HIVEP2: variants seen among roughly 807,000 people sequenced by gnomAD.
The protein encoded by HIVEP2 is HIVEP zinc finger 2.
HIVEP2 carries 14 observed loss-of-function variants against 180.7 expected under a neutral mutation model. The observed-to-expected ratio is 0.08, with a 90% confidence interval of 0.05 to 0.12. The LOEUF (loss-of-function observed/expected upper bound fraction) is 0.12, where lower values mean the gene tolerates loss of function less well. Ranked by LOEUF, HIVEP2 falls within the 10% of genes least tolerant of loss-of-function variation. The pLI is 1.00. For missense variants in HIVEP2, 2,579 were observed against 3,008.5 expected (o/e 0.86, Z 3.34); for synonymous variants, 1,184 against 1,136.4 (o/e 1.04, Z -0.84).
chr6:142,803,566 T>TACACACACACACACACACACACACAC (rs10688831), intron 2 of HIVEP2, among the ~76,000 whole-genome samples: 1 of 141,640 alleles, frequency 7.1e-6, no homozygotes, highest in Non-Finnish European at 1.5e-5. Flanking sequence ...ATATATAGCA[T>TACACACACACACACACACACACACAC]ACACACACAC....
At chr6:142,875,545 G>A (rs905584856) in intron 1 of HIVEP2, among the ~76,000 whole-genome samples, 1 of 152,218 alleles carries the variant, frequency 6.6e-6, no homozygotes, top group Non-Finnish European at 1.5e-5. Context: ...AAGGACAGAT[G>A]CTGGTGGCTT....
At position 142,853,377 on chromosome 6, in the gene HIVEP2, C is replaced by G. The variant is rs138491632; in HGVS notation, c.-640-16330G>C. 3.4e-3 allele frequency among the ~76,000 whole-genome samples: 525 copies of G among 152,272 alleles called. 3 individuals are homozygous for G. Among genetic ancestry groups the G allele is most frequent in the African/African-American group, 0.012 (493 of 41,546 alleles). The stretch of plus-strand genomic sequence containing the variant: ...AATTCACTTGTAACAGGTGCTAGCA[C>G]CTGTTCTTCCGGCTCCCAGAATAGT... On this transcript the variant is annotated intron_variant, in intron 1 of 9. Transcript: ENST00000367603.
intron 1 of HIVEP2, among the ~76,000 whole-genome samples, chr6:142,936,218 A>C (rs1056774031): frequency 1.3e-5 from 2 of 151,042 alleles, no homozygotes; most frequent in African/African-American, 4.9e-5. Context: ...TTTGAGATGG[A>C]GTCTCACTCT....
intron 1 of HIVEP2, among the ~76,000 whole-genome samples, chr6:142,848,271 T>C (rs755991172): frequency 3.3e-5 from 5 of 152,160 alleles, no homozygotes; most frequent in Non-Finnish European, 5.9e-5. Context: ...GGATGTGGGA[T>C]GGGGGAAGGT....
At chr6:142,829,145 G>C (rs1361659037) in intron 2 of HIVEP2, among the ~76,000 whole-genome samples, 1 of 152,006 alleles carries the variant, frequency 6.6e-6, no homozygotes, top group African/African-American at 2.4e-5. Context: ...TGATTCCTTA[G>C]CTCAAAAGTG....
rs1775652589 is a variant in HIVEP2 at position 142,774,742 on chromosome 6, G to C, written c.-4C>G. ...GAGCTGTGTCCCCAGTGTCCATTTT[G>C]TTACACAAGGTCTTAAGTGCTAGTT... On this transcript the variant is annotated 5_prime_UTR_variant, in exon 5 of 10. Transcript: ENST00000367603. The surrounding 1 kb of genome is among the most constrained non-coding windows in gnomAD (Gnocchi z 5.1). 1.2e-6 allele frequency: 2 copies of C among 1,612,804 alleles called. No individual in the cohort carries two copies. Among genetic ancestry groups the C allele is most frequent in the African/African-American group, 1.3e-5 (1 of 74,972 alleles).
chr6:142,881,282 G>C (rs1776569195), intron 1 of HIVEP2, among the ~76,000 whole-genome samples: 1 of 152,194 alleles, frequency 6.6e-6, no homozygotes, highest in African/African-American at 2.4e-5. Context: ...TTAGGCACTT[G>C]TGGGCAATTA....
Position 142,828,651 on chromosome 6 carries a change from C to T in HIVEP2, c.-528+8284G>A, listed in dbSNP as rs147875791. Among the ~76,000 whole-genome samples the T allele has an allele frequency of 4.8e-3, 737 of 152,160 alleles. 1 individual carries two copies. Among genetic ancestry groups the T allele is most frequent in the African/African-American group, 0.017 (695 of 41,508 alleles). On this transcript the variant is annotated intron_variant, in intron 2 of 9. Transcript: ENST00000367603. The stretch of plus-strand genomic sequence containing the variant: ...TTCACCATGTTGGTCAGGCTGGTCT[C>T]GAACTCCTGACCTCGTGATCCACCC...
intron 9 of HIVEP2, among the ~76,000 whole-genome samples, chr6:142,758,120 A>G (rs1775124436): frequency 6.6e-6 from 1 of 152,224 alleles, no homozygotes; most frequent in African/African-American, 2.4e-5. Flanking sequence ...ACAGTTCTCT[A>G]TTCATGCTGC....
intron 2 of HIVEP2, among the ~76,000 whole-genome samples, chr6:142,829,268 C>T (rs1775007466): frequency 6.6e-6 from 1 of 152,126 alleles, no homozygotes; most frequent in Non-Finnish European, 1.5e-5. Flanking sequence ...CTCCTCTTCG[C>T]TTACCAATGT....
rs773482175 is a variant in HIVEP2 at position 142,943,988 on chromosome 6, C to T, written c.-641+1111G>A. Among the ~76,000 whole-genome samples the T allele has an allele frequency of 6.6e-6, 1 of 152,200 alleles. No individual in the cohort carries two copies. Among genetic ancestry groups the T allele is most frequent in the African/African-American group, 2.4e-5 (1 of 41,426 alleles). On this transcript the variant is annotated intron_variant, in intron 1 of 9. Coordinates refer to ENST00000367603, the MANE Select transcript of HIVEP2 (RefSeq NM_006734.4). This position sits in a 1 kb window ranked among gnomAD's most constrained non-coding sequence, Gnocchi z 4.5. Reference sequence around the variant, plus strand: ...AAGGACCCTCTCTCTTCTCCGCACTCCCGAGGTTAAAGTGCCCCCGTTCCC... The same window carrying T: ...AAGGACCCTCTCTCTTCTCCGCACTTCCGAGGTTAAAGTGCCCCCGTTCCC...
At chr6:142,880,017 ATGAAAT>A (rs1237698092) in intron 1 of HIVEP2, among the ~76,000 whole-genome samples, 1 of 152,156 alleles carries the variant, frequency 6.6e-6, no homozygotes, top group Non-Finnish European at 1.5e-5. Flanking sequence ...ATTTCAGTGA[ATGAAAT>A]TGATAATTTG....
chr6:142,848,379 T>C (rs976736719), intron 1 of HIVEP2, among the ~76,000 whole-genome samples: 6 of 152,104 alleles, frequency 3.9e-5, no homozygotes, highest in African/African-American at 1.2e-4. Flanking sequence ...TTTGGAAGTG[T>C]AGAAGAAATA....
At position 142,813,222 on chromosome 6, in the gene HIVEP2, G is replaced by T. The variant is rs150948442; in HGVS notation, c.-528+23713C>A. Among the ~76,000 whole-genome samples, 243 of 152,124 alleles carry T rather than the reference G, an allele frequency of 1.6e-3. 2 individuals carry two copies. The highest frequency in any genetic ancestry group is 5.4e-3 in the African/African-American group (223 of 41,500). ...ATCAATAATGAAAACCCATAGGCAG[G>T]TTATTATTTTTCAGTTACTATAGTC... On this transcript the variant is annotated intron_variant, in intron 2 of 9. Coordinates refer to ENST00000367603, the MANE Select transcript of HIVEP2 (RefSeq NM_006734.4).
intron 2 of HIVEP2, among the ~76,000 whole-genome samples, chr6:142,793,468 G>A (rs1395885664): frequency 1.1e-4 from 17 of 152,034 alleles, no homozygotes; most frequent in Non-Finnish European, 2.4e-4. Flanking sequence ...TTTCTTTTCC[G>A]ATACCATGAT....
At chr6:142,768,116 T>C (rs757221197) in intron 6 of HIVEP2, among the ~76,000 whole-genome samples, 2 of 152,168 alleles carry the variant, frequency 1.3e-5, no homozygotes, top group Admixed American at 6.5e-5. Flanking sequence ...ACCAATTTAG[T>C]AGATTTCATA....
intron 1 of HIVEP2, among the ~76,000 whole-genome samples, chr6:142,846,625 G>A (rs911787018): frequency 2.7e-4 from 41 of 152,166 alleles, no homozygotes; most frequent in African/African-American, 9.2e-4. Context: ...AGGTACCAAG[G>A]ACTTAAGGTG....
chr6:142,911,729 C>T (rs921408066), intron 1 of HIVEP2, among the ~76,000 whole-genome samples: 1 of 152,140 alleles, frequency 6.6e-6, no homozygotes, highest in Non-Finnish European at 1.5e-5. Flanking sequence ...ACATATTTCT[C>T]CCTCTGTCCA....
intron 1 of HIVEP2, among the ~76,000 whole-genome samples, chr6:142,840,602 T>G (rs899052440): frequency 3.3e-5 from 5 of 152,162 alleles, no homozygotes; most frequent in Admixed American, 1.3e-4. Flanking sequence ...GTATGTTATT[T>G]CCATGAAATT....
Sources: allele counts gnomAD v4.1 joint callset (sites outside exome capture counted in the v4.1 genomes callset), GRCh38; gene constraint gnomAD v4.1.1; non-coding constraint Gnocchi (gnomAD v3.1); transcripts MANE v1.5; gene names NCBI Gene and HGNC (gene_info 2026-07-23, HGNC 2026-07-21).